The following PDZRN3 variants were observed in gnomAD, a reference collection of about 807,000 sequenced individuals.
PDZRN3 encodes the protein E3 ubiquitin-protein ligase PDZRN3.
PDZRN3 carries 38 observed loss-of-function variants against 85.7 expected under a neutral mutation model. The ratio of observed to expected loss-of-function variants is 0.44; its 90% CI spans 0.34 to 0.58. PDZRN3 has a LOEUF of 0.58. PDZRN3 is among the 20% of genes least tolerant of loss of function. The probability of loss-of-function intolerance (pLI) is 0.01; values close to 1 mark genes in which losing one functional copy is unlikely to be tolerated. For synonymous variants in PDZRN3, 759 were observed against 638.0 expected, an observed-to-expected ratio of 1.19 and a Z score of -2.86; for missense variants, 1,629 against 1,506.4, an observed-to-expected ratio of 1.08 and a Z score of -1.35.
intron 5 of PDZRN3, among the ~76,000 whole-genome samples, chr3:73,399,428 T>C (rs1282764311): frequency 6.6e-6 from 1 of 152,156 alleles, no homozygotes; most frequent in Non-Finnish European, 1.5e-5. Context: ...CAGGGGATTC[T>C]AGGTAGATAG....
chr3:73,617,779 C>T (rs1463789096), intron 1 of PDZRN3, among the ~76,000 whole-genome samples: 1 of 152,014 alleles, frequency 6.6e-6, no homozygotes, highest in Non-Finnish European at 1.5e-5. Context: ...GGTCTTGGCT[C>T]GCAGCAACCT....
chr3:73,533,765 T>C (rs896809336), intron 3 of PDZRN3, among the ~76,000 whole-genome samples: 6 of 152,148 alleles, frequency 3.9e-5, no homozygotes, highest in Non-Finnish European at 8.8e-5. Flanking sequence ...CAGCTATAGG[T>C]GTGTTACTGG....
intron 3 of PDZRN3, among the ~76,000 whole-genome samples, chr3:73,601,292 C>T (rs1029377899): frequency 9.2e-5 from 14 of 152,162 alleles, no homozygotes; most frequent in African/African-American, 3.4e-4. Context: ...TGGCTTAGCT[C>T]GTGGTCCTAG....
At chr3:73,546,839 T>G (rs1701433540) in intron 3 of PDZRN3, among the ~76,000 whole-genome samples, 2 of 152,194 alleles carry the variant, frequency 1.3e-5, no homozygotes, top group Admixed American at 1.3e-4. Context: ...GGAGGTGATA[T>G]AATTTGTAAG....
chr3:73,574,486 T>C (rs2106856745), intron 3 of PDZRN3, among the ~76,000 whole-genome samples: 1 of 147,960 alleles, frequency 6.8e-6, no homozygotes, highest in South Asian at 2.1e-4. Flanking sequence ...GGAAATGGAG[T>C]CTCACTCTGT....
At chr3:73,548,415 A>C (rs1701478150) in intron 3 of PDZRN3, among the ~76,000 whole-genome samples, 1 of 152,220 alleles carries the variant, frequency 6.6e-6, no homozygotes, top group Non-Finnish European at 1.5e-5. Context: ...CTGAGAGGTG[A>C]ACACTCTGTA....
chr3:73,461,750 T>G (rs1000643582), intron 3 of PDZRN3, among the ~76,000 whole-genome samples: 2 of 152,208 alleles, frequency 1.3e-5, no homozygotes, highest in African/African-American at 4.8e-5. Context: ...AAAAAAAGTA[T>G]GTGTTGTGGT....
intron 3 of PDZRN3, among the ~76,000 whole-genome samples, chr3:73,583,833 T>C (rs1702235549): frequency 6.6e-6 from 1 of 152,190 alleles, no homozygotes; most frequent in Non-Finnish European, 1.5e-5. Flanking sequence ...GACCAGCTTA[T>C]TAAACCTACT....
At chr3:73,413,263 G>C (rs1360336322) in intron 3 of PDZRN3, among the ~76,000 whole-genome samples, 1 of 152,126 alleles carries the variant, frequency 6.6e-6, no homozygotes, top group Non-Finnish European at 1.5e-5. Flanking sequence ...TACTAGCCTA[G>C]GTTTGGGCTC....
At chr3:73,614,756 G>A (rs1216379385) in intron 1 of PDZRN3, among the ~76,000 whole-genome samples, 1 of 152,182 alleles carries the variant, frequency 6.6e-6, no homozygotes, top group African/African-American at 2.4e-5. Context: ...CTGGCTGCCA[G>A]AAATTCTTTA....
intron 3 of PDZRN3, among the ~76,000 whole-genome samples, chr3:73,537,053 C>T (rs1357382558): frequency 6.6e-6 from 1 of 152,214 alleles, no homozygotes; most frequent in Non-Finnish European, 1.5e-5. Flanking sequence ...CTAATGCTCA[C>T]TGATGCTGCT....
intron 3 of PDZRN3, among the ~76,000 whole-genome samples, chr3:73,597,695 A>C (rs980784152): frequency 6.6e-6 from 1 of 151,518 alleles, no homozygotes; most frequent in Non-Finnish European, 1.5e-5. Flanking sequence ...AAAGAATTTC[A>C]GTGGAGTTGC....
intron 3 of PDZRN3, among the ~76,000 whole-genome samples, chr3:73,557,371 A>C (rs1009489427): frequency 6.6e-6 from 1 of 152,232 alleles, no homozygotes; most frequent in East Asian, 1.9e-4. Flanking sequence ...AAAATCTGAA[A>C]TATCTTCGCT....
chr3:73,421,658 A>G lies in PDZRN3; in HGVS notation c.919-17263T>C, dbSNP rs182869595. On this transcript the variant is annotated intron_variant, in intron 3 of 9. Transcript: ENST00000263666. ...CTGCTAAAGCTACAAAACTACTTCAATTTTTTTTGAGACAGAGTCTTGCTC... is the reference window on the plus strand; with the variant it reads ...CTGCTAAAGCTACAAAACTACTTCAGTTTTTTTTGAGACAGAGTCTTGCTC... Among the ~76,000 whole-genome samples the G allele has an allele frequency of 2.6e-5, 4 of 151,912 alleles. No homozygotes were observed. The East Asian group carries it at 5.8e-4, about 22-fold the overall frequency.
At chr3:73,557,818 A>G (rs935123549) in intron 3 of PDZRN3, among the ~76,000 whole-genome samples, 2 of 152,212 alleles carry the variant, frequency 1.3e-5, no homozygotes, top group Admixed American at 6.5e-5. Context: ...TTAACTCTGT[A>G]ATCAGTGATT....
intron 3 of PDZRN3, among the ~76,000 whole-genome samples, chr3:73,526,995 C>T (rs1704540606): frequency 6.6e-6 from 1 of 152,106 alleles, no homozygotes; most frequent in Admixed American, 6.5e-5. Flanking sequence ...ATTACAGGTG[C>T]TCATCACCAC....
chr3:73,504,896 A>T (rs1704043493), intron 3 of PDZRN3, among the ~76,000 whole-genome samples: 1 of 152,226 alleles, frequency 6.6e-6, no homozygotes, highest in Non-Finnish European at 1.5e-5. Flanking sequence ...GGAAATACAC[A>T]AAAAGGCTTC....
chr3:73,434,358 G>A (rs965968870), intron 3 of PDZRN3, among the ~76,000 whole-genome samples: 2 of 152,104 alleles, frequency 1.3e-5, no homozygotes, highest in African/African-American at 4.8e-5. Flanking sequence ...CGGACTTTAT[G>A]GAAAGGACAT....
At chr3:73,581,180 A>C (rs1317569709) in intron 3 of PDZRN3, among the ~76,000 whole-genome samples, 1 of 152,238 alleles carries the variant, frequency 6.6e-6, no homozygotes, top group Non-Finnish European at 1.5e-5. Flanking sequence ...TGTGTGTGAG[A>C]GCAGCTTTCT....
Sources: allele counts gnomAD v4.1 joint callset (sites outside exome capture counted in the v4.1 genomes callset), GRCh38; gene constraint gnomAD v4.1.1; transcripts MANE v1.5; gene names NCBI Gene and HGNC (gene_info 2026-07-23, HGNC 2026-07-21).